Variants in PRKG1 observed in about 807,000 individuals in gnomAD.
PRKG1 encodes the protein protein kinase cGMP-dependent 1.
In PRKG1, 35 loss-of-function variants were observed where a neutral mutation model predicts 88.1. The ratio of observed to expected loss-of-function variants is 0.40; its 90% confidence interval spans 0.30 to 0.53. The LOEUF (loss-of-function observed/expected upper bound fraction) is 0.53. Ranked by LOEUF, PRKG1 falls within the 20% of genes least tolerant of loss-of-function variation. The probability of loss-of-function intolerance (pLI) is 0.59; values close to 1 mark genes in which losing one functional copy is unlikely to be tolerated. For missense variants in PRKG1, 540 were observed against 839.8 expected, an observed-to-expected ratio of 0.64 and a Z score of 4.41; for synonymous variants, 303 against 292.5, an observed-to-expected ratio of 1.04 and a Z score of -0.37.
chr10:51,740,297 G>A (rs1837398913), intron 3 of PRKG1, among the ~76,000 whole-genome samples: 1 of 152,172 alleles, frequency 6.6e-6, no homozygotes, highest in African/African-American at 2.4e-5. Flanking sequence ...CCAAAGTGCT[G>A]GGATGACAGG....
chr10:51,755,773 T>G (rs893180056), intron 3 of PRKG1, among the ~76,000 whole-genome samples: 13 of 152,226 alleles, frequency 8.5e-5, no homozygotes, highest in Admixed American at 8.5e-4. Context: ...ACCTTTCCTG[T>G]GTACAGAATC....
intron 4 of PRKG1, among the ~76,000 whole-genome samples, chr10:51,845,487 A>G (rs1036225541): frequency 1.3e-5 from 2 of 152,204 alleles, no homozygotes; most frequent in Non-Finnish European, 2.9e-5. Flanking sequence ...TAGGTTTTAG[A>G]AAGTCCTTAA....
intron 1 of PRKG1, among the ~76,000 whole-genome samples, chr10:51,059,636 T>A (rs897448795): frequency 2.6e-5 from 4 of 152,214 alleles, no homozygotes; most frequent in Non-Finnish European, 5.9e-5. Flanking sequence ...TTCATAATTA[T>A]TGAGTTAATT....
In PRKG1 at chr10:52,288,811, G is replaced by C. The variant is rs199639042; in HGVS notation, c.1795G>C (p.Ala599Pro). 1 of 1,606,294 alleles carries C rather than the reference G, an allele frequency of 6.2e-7. No homozygotes were observed. The highest frequency in any genetic ancestry group is 2.2e-5 in the East Asian group (1 of 44,738). The change falls in exon 15 of 18, where the codon GCC (alanine) becomes CCC (proline). Residue 599 changes from alanine (A) to proline (P), a missense_variant. Physicochemically the swap from Ala to Pro is conservative, Grantham distance 27 (BLOSUM62 -1). Transcript: ENST00000373980. Reference sequence around the variant, plus strand: ...CATGATAGAATTTCCAAAGAAGATTGCCAAAAATGCTGCTAATTTAATTAA... The same window carrying C: ...CATGATAGAATTTCCAAAGAAGATTCCCAAAAATGCTGCTAATTTAATTAA... ...IDMIEFPKKI[A>P]KNAANLIKKL...
chr10:51,211,100 C>T (rs1436123023), intron 2 of PRKG1, among the ~76,000 whole-genome samples: 2 of 152,178 alleles, frequency 1.3e-5, no homozygotes, highest in African/African-American at 2.4e-5. Context: ...AGCAACACAT[C>T]AAAAAGCTTA....
chr10:51,734,809 G>T (rs1287060648), intron 3 of PRKG1, among the ~76,000 whole-genome samples: 1 of 152,142 alleles, frequency 6.6e-6, no homozygotes, highest in African/African-American at 2.4e-5. Flanking sequence ...AAGGAGGAAA[G>T]AATTCAGTCT....
At chr10:51,997,173 G>A (rs547701695) in intron 5 of PRKG1, among the ~76,000 whole-genome samples, 2 of 152,056 alleles carry the variant, frequency 1.3e-5, no homozygotes, top group South Asian at 4.1e-4. Context: ...CAAAATTTTA[G>A]TTAGATAAGA....
At chr10:52,190,735 T>C (rs943963002) in intron 9 of PRKG1, among the ~76,000 whole-genome samples, 4 of 152,194 alleles carry the variant, frequency 2.6e-5, no homozygotes, top group African/African-American at 7.2e-5. Context: ...AAGATACTTT[T>C]GTAAACCTTG....
intron 1 of PRKG1, among the ~76,000 whole-genome samples, chr10:51,151,887 G>A (rs974933943): frequency 6.6e-6 from 1 of 151,960 alleles, no homozygotes; most frequent in Non-Finnish European, 1.5e-5. Flanking sequence ...GAAGACTAAC[G>A]CTTTAGTCAG....
In PRKG1 at chr10:52,197,360, G is replaced by A. The variant is rs371753676; in HGVS notation, c.1076+35397G>A. Among the ~76,000 whole-genome samples the A allele has an allele frequency of 1.2e-3, 177 of 152,276 alleles. 1 individual carries two copies. The Middle Eastern group carries it at 0.014, about 12-fold the overall frequency. On this transcript the variant is annotated intron_variant, in intron 9 of 17. Coordinates refer to ENST00000373980, the MANE Select transcript of PRKG1 (RefSeq NM_006258.4). ...TCAACTGAGGACAAGATTATACCAA[G>A]TGATTCTACTGCTTGTTGTTTCAAA...
intron 3 of PRKG1, among the ~76,000 whole-genome samples, chr10:51,773,362 G>T (rs1838353907): frequency 6.6e-6 from 1 of 152,078 alleles, no homozygotes; most frequent in Non-Finnish European, 1.5e-5. Context: ...ATGGAATCTT[G>T]ATTCATGGAA....
At chr10:51,808,529 G>A (rs1045838919) in intron 4 of PRKG1, among the ~76,000 whole-genome samples, 2 of 152,122 alleles carry the variant, frequency 1.3e-5, no homozygotes, top group African/African-American at 2.4e-5. Flanking sequence ...CTTGGGCCTG[G>A]TAGGTTGAGG....
chr10:51,158,484 TCTGA>T (rs1337152472), intron 2 of PRKG1, among the ~76,000 whole-genome samples: 5 of 151,966 alleles, frequency 3.3e-5, no homozygotes, highest in Admixed American at 6.6e-5. Flanking sequence ...TAAAAAATGA[TCTGA>T]CTATTTGCAA....
intron 5 of PRKG1, among the ~76,000 whole-genome samples, chr10:51,939,129 T>C (rs1006065066): frequency 1.1e-4 from 16 of 152,068 alleles, no homozygotes; most frequent in Admixed American, 4.6e-4. Context: ...ACTTCAGCTA[T>C]TATCTTATTT....
At chr10:51,616,453 T>C (rs201901401) in intron 3 of PRKG1, among the ~76,000 whole-genome samples, 1 of 152,098 alleles carries the variant, frequency 6.6e-6, no homozygotes, top group Non-Finnish European at 1.5e-5. Flanking sequence ...ACAGTGGCTG[T>C]GGTGGGCTTA....
At chr10:51,502,399 A>T (rs1841056139) in intron 3 of PRKG1, among the ~76,000 whole-genome samples, 2 of 152,170 alleles carry the variant, frequency 1.3e-5, no homozygotes, top group South Asian at 4.1e-4. Flanking sequence ...ATCTGAACAC[A>T]TCTAGGTTAT....
At chr10:51,427,036 T>G (rs1838608821) in intron 2 of PRKG1, among the ~76,000 whole-genome samples, 1 of 152,256 alleles carries the variant, frequency 6.6e-6, no homozygotes, top group Admixed American at 6.5e-5. Flanking sequence ...TGCTTCTATG[T>G]TGCTATTGCC....
intron 5 of PRKG1, among the ~76,000 whole-genome samples, chr10:52,046,157 G>T (rs1845857738): frequency 6.6e-6 from 1 of 152,076 alleles, no homozygotes; most frequent in African/African-American, 2.4e-5. Context: ...TTAAACTTTA[G>T]ATTGTTCAGA....
chr10:51,654,290 T>G (rs887604860), intron 3 of PRKG1, among the ~76,000 whole-genome samples: 1 of 152,202 alleles, frequency 6.6e-6, no homozygotes, highest in Non-Finnish European at 1.5e-5. Flanking sequence ...GACTGTCCTT[T>G]TCTAGTTGTG....
Sources: allele counts gnomAD v4.1 joint callset (sites outside exome capture counted in the v4.1 genomes callset), GRCh38; gene constraint gnomAD v4.1.1; transcripts MANE v1.5; gene names NCBI Gene and HGNC (gene_info 2026-07-23, HGNC 2026-07-21).